The following FANK1 variants were observed in gnomAD, a reference collection of about 807,000 sequenced individuals.
FANK1 encodes fibronectin type 3 and ankyrin repeat domains protein 1.
A neutral mutation model predicts 45.3 loss-of-function variants in FANK1; 44 were observed. The observed-to-expected ratio is 0.97, with a 90% CI of 0.76 to 1.25. FANK1 has a LOEUF of 1.25. Ranked by LOEUF, FANK1 falls within the 50% of genes most tolerant of loss-of-function variation. The pLI is 0.00. For missense variants in FANK1, 391 were observed against 424.4 expected (o/e 0.92, Z 0.69); for synonymous variants, 149 against 152.5 (o/e 0.98, Z 0.17).
At chr10:125,950,711 A>G (rs1428884116) in intron 1 of FANK1, among the ~76,000 whole-genome samples, 1 of 151,926 alleles carries the variant, frequency 6.6e-6, no homozygotes, top group Non-Finnish European at 1.5e-5. Context: ...TAGAACTAGA[A>G]ATACCATTTG....
At chr10:125,925,245 A>C (rs1462155389) in intron 1 of FANK1, among the ~76,000 whole-genome samples, 1 of 152,260 alleles carries the variant, frequency 6.6e-6, no homozygotes, top group Non-Finnish European at 1.5e-5. Flanking sequence ...TTGCTTTTTG[A>C]GGCTGTACTT....
intron 1 of FANK1, among the ~76,000 whole-genome samples, chr10:125,919,381 T>G (rs888683653): frequency 3.3e-5 from 5 of 151,592 alleles, no homozygotes; most frequent in African/African-American, 9.7e-5. Context: ...GATTTTTGTA[T>G]TTTTAGTAGA....
chr10:125,985,845 CAGG>C (rs1951520601), intron 2 of FANK1, among the ~76,000 whole-genome samples: 2 of 152,322 alleles, frequency 1.3e-5, no homozygotes, highest in Non-Finnish European at 2.9e-5. Flanking sequence ...GCCAGGACAG[CAGG>C]AGACTGGCTG....
intron 1 of FANK1, among the ~76,000 whole-genome samples, chr10:125,905,770 T>C (rs111657660): frequency 0.014 from 2,076 of 152,202 alleles, no homozygotes; most frequent in African/African-American, 0.047. Context: ...CTCTGTTCCC[T>C]CTATTTTCTC....
chr10:126,005,292 GCTT>G (rs1953099357), intron 7 of FANK1, among the ~76,000 whole-genome samples: 1 of 149,530 alleles, frequency 6.7e-6, no homozygotes, highest in East Asian at 2.0e-4. Context: ...TGGACCTGAT[GCTT>G]CTACTTTCTT....
chr10:125,979,593 C>T lies in FANK1; in HGVS notation c.14-568C>T, dbSNP rs561703100. On this transcript the variant is annotated intron_variant, in intron 1 of 10. Transcript: ENST00000368693. ...AGTTATACCCCATTGTTACCAATTT[C>T]TGTGAGCACTAGGGGATGATATGAG... Among the ~76,000 whole-genome samples, 12 of 152,322 alleles carry T rather than the reference C, an allele frequency of 7.9e-5. 1 individual carries two copies. In the South Asian group the frequency reaches 2.5e-3, roughly 32 times the overall value.
intron 1 of FANK1, among the ~76,000 whole-genome samples, chr10:125,948,593 A>G (rs1378835183): frequency 6.6e-6 from 1 of 152,206 alleles, no homozygotes; most frequent in African/African-American, 2.4e-5. Context: ...TAGACCAATA[A>G]CAGGATCTGA....
Position 125,953,057 on chromosome 10 carries a change from A to G in FANK1, c.14-27104A>G, listed in dbSNP as rs144618458. 5.3e-5 allele frequency among the ~76,000 whole-genome samples: 8 copies of G among 152,278 alleles called. No individual in the cohort carries two copies. In the East Asian group the frequency reaches 1.4e-3, roughly 26 times the overall value. On this transcript the variant is annotated intron_variant, in intron 1 of 10. Transcript: ENST00000368693. The stretch of plus-strand genomic sequence containing the variant: ...TTTTTAGACTTGCATGTGCATTGGA[A>G]TGACCTGAAAGTCTGTTAACACGTG...
chr10:125,989,116 G>T (rs912560405), intron 3 of FANK1, among the ~76,000 whole-genome samples: 2 of 152,206 alleles, frequency 1.3e-5, no homozygotes, highest in Non-Finnish European at 2.9e-5. Context: ...CGATTCCTGG[G>T]GTCACGGTGA....
At chr10:125,970,368 T>A (rs540232613) in intron 1 of FANK1, among the ~76,000 whole-genome samples, 5 of 150,122 alleles carry the variant, frequency 3.3e-5, no homozygotes, top group Admixed American at 6.6e-5. Flanking sequence ...GCAGAGGCGC[T>A]CCCCACATCC....
At chr10:125,980,105 G>A (rs1951102959) in intron 1 of FANK1, 56 bp from the exon 2 acceptor site, 2 of 1,564,444 alleles carry the variant, frequency 1.3e-6, no homozygotes, top group South Asian at 1.2e-5. Context: ...CACTCGACTG[G>A]TCTCTCTTCC....
chr10:125,923,817 C>T (rs1390503538), intron 1 of FANK1, among the ~76,000 whole-genome samples: 2 of 151,988 alleles, frequency 1.3e-5, no homozygotes, highest in Non-Finnish European at 2.9e-5. Context: ...TGCGAGCCAT[C>T]GTTCTTGGCC....
intron 1 of FANK1, among the ~76,000 whole-genome samples, chr10:125,897,062 A>G (rs1228383372): frequency 6.6e-6 from 1 of 152,302 alleles, no homozygotes; most frequent in Non-Finnish European, 1.5e-5. Context: ...AATGTCAGCA[A>G]TTAAACACGT....
intron 1 of FANK1, among the ~76,000 whole-genome samples, chr10:125,914,360 A>C (rs1345883152): frequency 2.0e-5 from 3 of 151,590 alleles, no homozygotes; most frequent in Non-Finnish European, 4.4e-5. Flanking sequence ...TGTAAGCTTC[A>C]TGAGGACAGG....
chr10:125,954,048 A>G (rs10901476), intron 1 of FANK1, among the ~76,000 whole-genome samples: 56,317 of 151,990 alleles, frequency 0.37, 10,947 homozygotes, highest in Non-Finnish European at 0.44. Flanking sequence ...TATCCCTAAC[A>G]CAGTGTGTCC....
At position 125,997,748 on chromosome 10, in the gene FANK1, C is replaced by T. The variant is rs144982939; in HGVS notation, c.539+263C>T. ...TGGCATGGTCCCTGTGCCCAGTGGA[C>T]ACGCAGTGCACGGGAAATGGCAGCT... On this transcript the variant is annotated intron_variant, in intron 6 of 10. Transcript: ENST00000368693. Among the ~76,000 whole-genome samples the T allele has an allele frequency of 6.6e-5, 10 of 152,328 alleles. No individual in the cohort carries two copies. The East Asian group carries it at 1.9e-3, about 29-fold the overall frequency.
intron 1 of FANK1, among the ~76,000 whole-genome samples, chr10:125,910,598 T>C (rs1181208332): frequency 6.6e-6 from 1 of 152,234 alleles, no homozygotes; most frequent in Non-Finnish European, 1.5e-5. Context: ...TGGTGAGTTT[T>C]CTGTTTAGTA....
At chr10:125,968,582 T>C (rs7915246) in intron 1 of FANK1, among the ~76,000 whole-genome samples, 3,551 of 152,344 alleles carry the variant, frequency 0.023, 75 homozygotes, top group Non-Finnish European at 0.033. Context: ...CAAATCACAA[T>C]TGCAAATTCC....
intron 1 of FANK1, among the ~76,000 whole-genome samples, chr10:125,976,068 T>A (rs1950834062): frequency 6.6e-6 from 1 of 152,190 alleles, no homozygotes; most frequent in Non-Finnish European, 1.5e-5. Flanking sequence ...ATCTTGTTTC[T>A]CCTTCACTTA....
Sources: allele counts gnomAD v4.1 joint callset (sites outside exome capture counted in the v4.1 genomes callset), GRCh38; gene constraint gnomAD v4.1.1; transcripts MANE v1.5; gene names NCBI Gene and HGNC (gene_info 2026-07-23, HGNC 2026-07-21).